The following NSD3 variants were observed in gnomAD, a reference collection of about 807,000 sequenced individuals.
The protein encoded by NSD3 is histone-lysine N-methyltransferase NSD3.
NSD3 carries 24 observed loss-of-function variants against 160.8 expected under a neutral mutation model. The ratio of observed to expected loss-of-function variants is 0.15; its 90% confidence interval spans 0.11 to 0.21. The LOEUF is 0.21. Among genes scored for constraint, NSD3 ranks in the 10% least tolerant of loss-of-function variants. The pLI is 1.00. For missense variants in NSD3, 1,157 were observed against 1,735.9 expected, an observed-to-expected ratio of 0.67 and a Z score of 5.93; for synonymous variants, 520 against 600.0, an observed-to-expected ratio of 0.87 and a Z score of 1.95.
rs1808583674 is a variant in NSD3 at position 38,275,713 on chromosome 8, C to A, written c.4242G>T (p.Val1414=). The A allele has an allele frequency of 1.2e-6, 2 of 1,614,192 alleles. No individual in the cohort carries two copies. The highest frequency in any genetic ancestry group is 4.5e-5 in the East Asian group (2 of 44,890). The change falls in exon 24 of 24, where the codon GTG becomes GTT. Residue 1414 remains valine, a synonymous_variant. Coordinates refer to ENST00000317025, the MANE Select transcript of NSD3 (RefSeq NM_023034.2). ...CCSEHDPMAP[V]SPEYWSKIKC... ...TTATCTTGCTCCAGTATTCTGGTGACACAGGAGCCATGGGGTCATGTTCCG... is the reference window on the plus strand; with the variant it reads ...TTATCTTGCTCCAGTATTCTGGTGAAACAGGAGCCATGGGGTCATGTTCCG...
chr8:38,336,000 C>T (rs10101168), intron 4 of NSD3: 32,325 of 152,068 alleles, frequency 0.21, 3,658 homozygotes, highest in East Asian at 0.31. Flanking sequence ...ATTGACAAGA[C>T]GAAAAATGGT....
In NSD3 at chr8:38,337,248, T is replaced by C. The variant is rs1034047554; in HGVS notation, c.910+57A>G. ...TATTCTTATATTCACATACAACATT[T>C]AAAAGTCACTTTTATTTCCAACCTT... On this transcript the variant is annotated intron_variant, in intron 4 of 23. Transcript: ENST00000317025. The C allele has an allele frequency of 4.8e-6, 7 of 1,449,934 alleles. No homozygotes were observed. In the African/African-American group the frequency reaches 8.7e-5, roughly 18 times the overall value. The allele number at this position is 1,449,934 out of a possible 1,614,324, so 89.8% of individuals were successfully genotyped here. A position where few individuals can be genotyped will look rare whatever the true frequency, so the allele number is the denominator to read the frequency against.
At chr8:38,314,403 T>C (rs1343043866) in intron 12 of NSD3, among the ~76,000 whole-genome samples, 1 of 152,236 alleles carries the variant, frequency 6.6e-6, no homozygotes, top group East Asian at 1.9e-4. Flanking sequence ...TATAACTCTT[T>C]AGATAAAACA....
At chr8:38,333,326 GT>G (rs1810113391) in intron 4 of NSD3, among the ~76,000 whole-genome samples, 1 of 152,104 alleles carries the variant, frequency 6.6e-6, no homozygotes, top group South Asian at 2.1e-4. Context: ...TTAGCACTTT[GT>G]TTCCTGACAC....
rs1187699714 is a variant in NSD3, at chr8:38,270,332, A to C, written c.*5309T>G. 6.6e-6 allele frequency: 1 copy of C among 152,244 alleles called. No individual in the cohort carries two copies. Among genetic ancestry groups the C allele is most frequent in the Non-Finnish European group, 1.5e-5 (1 of 68,048 alleles). The allele number at this position is 152,244 out of a possible 1,614,324, so 9.4% of individuals were successfully genotyped here. On this transcript the variant is annotated 3_prime_UTR_variant, in exon 24 of 24. Transcript: ENST00000317025. ...AAAGATCATTATCATAAAGAACACG[A>C]GAAAATGAAAACGGAGTCTGTAGGT...
At chr8:38,371,764 C>T (rs1811247995) in intron 1 of NSD3, among the ~76,000 whole-genome samples, 1 of 152,090 alleles carries the variant, frequency 6.6e-6, no homozygotes, top group South Asian at 2.1e-4. Context: ...CAAATAAAGG[C>T]TTTAATTTAT....
intron 4 of NSD3, among the ~76,000 whole-genome samples, chr8:38,333,760 G>A (rs955303791): frequency 4.6e-5 from 7 of 152,008 alleles, no homozygotes; most frequent in Non-Finnish European, 8.8e-5. Flanking sequence ...CCAGCTACTC[G>A]GGAGGCTGAG....
rs765728225 is a variant in NSD3 at position 38,347,840 on chromosome 8, T to A, written c.332A>T (p.Tyr111Phe). 1 of 1,614,210 alleles carries A rather than the reference T, an allele frequency of 6.2e-7. No individual in the cohort carries two copies. The highest frequency in any genetic ancestry group is 1.1e-5 in the South Asian group (1 of 91,088). ...GAVRNFSPTDYYHSEIPNTRP... is the reference protein window; with the variant it reads ...GAVRNFSPTDFYHSEIPNTRP... The stretch of plus-strand genomic sequence containing the variant: ...TGTGTTTGGAATTTCTGAATGATAA[T>A]AGTCAGTGGGGCTAAAGTTTCTAAC... The change falls in exon 2 of 24, where the codon TAT becomes TTT. Residue 111 changes from tyrosine to phenylalanine, a missense_variant. Tyr to Phe is a conservative substitution (Grantham distance 22). Transcript: ENST00000317025.
chr8:38,378,087 T>G (rs1188093913), intron 1 of NSD3, among the ~76,000 whole-genome samples: 1 of 152,226 alleles, frequency 6.6e-6, no homozygotes, highest in East Asian at 1.9e-4. Flanking sequence ...CTAACTTTAT[T>G]TTTTTAACTT....
In NSD3 at chr8:38,275,095, A is replaced by C. The variant is rs1422310351; in HGVS notation, c.*546T>G. 1 of 232,486 alleles carries C rather than the reference A, an allele frequency of 4.3e-6. No homozygotes were observed. Among genetic ancestry groups the C allele is most frequent in the African/African-American group, 2.2e-5 (1 of 45,300 alleles). The allele number at this position is 232,486 out of a possible 1,614,324, so 14.4% of individuals were successfully genotyped here. The stretch of plus-strand genomic sequence containing the variant: ...AGCCTATGAAAAGCATTTTGAAGGG[A>C]AAGAGAAGTGAGCCTACCTACTGCT... On this transcript the variant is annotated 3_prime_UTR_variant, in exon 24 of 24. Transcript: ENST00000317025.
At chr8:38,381,291 CACTTCCATTCCTCATT>C (rs976867049) in intron 1 of NSD3, among the ~76,000 whole-genome samples, 12 of 151,996 alleles carry the variant, frequency 7.9e-5, no homozygotes, top group African/African-American at 2.4e-4. Context: ...CCTTTTCCTT[CACTTCCATTCCTCATT>C]TCTCCCTTCA....
At chr8:38,368,689 A>G (rs1811166452) in intron 1 of NSD3, among the ~76,000 whole-genome samples, 1 of 152,132 alleles carries the variant, frequency 6.6e-6, no homozygotes, top group Non-Finnish European at 1.5e-5. Context: ...TCCCTTATCT[A>G]TCTAGTTTAA....
At chr8:38,343,842 C>T (rs1172262764) in intron 2 of NSD3, among the ~76,000 whole-genome samples, 1 of 152,196 alleles carries the variant, frequency 6.6e-6, no homozygotes, top group Admixed American at 6.5e-5. Context: ...CGGGACTGAT[C>T]CAGCCACTCT....
rs372846164 is a variant in NSD3 at position 38,290,333 on chromosome 8, T to C, written c.3118+142A>G. On this transcript the variant is annotated intron_variant, in intron 17 of 23. Transcript: ENST00000317025. ...AAATGTATTTTAAACCTGGTTCTAA[T>C]GTGACTGGAAGCTTATGGACACAGG... The C allele has an allele frequency of 5.2e-5, 43 of 830,304 alleles. 1 individual carries two copies. In the South Asian group the frequency reaches 6.5e-4, roughly 13 times the overall value. The allele number at this position is 830,304 out of a possible 1,614,324, so 51.4% of individuals were successfully genotyped here. A position where few individuals can be genotyped will look rare whatever the true frequency, so the allele number is the denominator to read the frequency against.
intron 20 of NSD3, among the ~76,000 whole-genome samples, chr8:38,280,788 C>T (rs1412528561): frequency 6.6e-5 from 10 of 150,950 alleles, no homozygotes. Flanking sequence ...GGTCTTGTTC[C>T]ATTGCCCAAG....
At chr8:38,295,679 T>A (rs1196648738) in intron 16 of NSD3, 117 bp downstream of exon 16, 1 of 936,304 alleles carries the variant, frequency 1.1e-6, no homozygotes, top group Non-Finnish European at 1.5e-6. Flanking sequence ...TTTTTTTTTT[T>A]TAAGGAAGTA....
At chr8:38,279,452 C>T in intron 21 of NSD3, 88 bp downstream of exon 21, 1 of 1,418,992 alleles carries the variant, frequency 7.0e-7, no homozygotes, top group Non-Finnish European at 9.6e-7. Flanking sequence ...AGTTCTTGGG[C>T]ATCAAGCCTT....
intron 2 of NSD3, among the ~76,000 whole-genome samples, chr8:38,340,593 C>G (rs1341375084): frequency 6.6e-6 from 1 of 152,192 alleles, no homozygotes; most frequent in East Asian, 1.9e-4. Context: ...TTGCCTTGGC[C>G]TCCCAAAGTG....
intron 16 of NSD3, among the ~76,000 whole-genome samples, chr8:38,293,392 A>G (rs1809054085): frequency 6.6e-6 from 1 of 151,168 alleles, no homozygotes. Flanking sequence ...TCTACTAAAA[A>G]TACAAAAATT....
Sources: gnomAD v4.1 joint callset for allele counts (sites outside exome capture counted in the v4.1 genomes callset) on GRCh38, gnomAD v4.1.1 for gene constraint, MANE v1.5 for transcripts, NCBI Gene and HGNC (gene_info 2026-07-23, HGNC 2026-07-21) for gene names.